Variants in DLGAP2 observed in about 807,000 individuals in gnomAD.
The protein encoded by DLGAP2 is disks large-associated protein 2.
DLGAP2 carries 26 observed loss-of-function variants against 100.3 expected under a neutral mutation model. The ratio of observed to expected loss-of-function variants is 0.26; its 90% confidence interval spans 0.19 to 0.36. The LOEUF is 0.36. DLGAP2 is among the 10% of genes least tolerant of loss of function. The pLI is 1.00. For missense variants in DLGAP2, 1,858 were observed against 1,453.2 expected (o/e 1.28, Z -4.53); for synonymous variants, 886 against 630.1 (o/e 1.41, Z -6.08).
At chr8:1,239,968 C>T (rs1457639105) in intron 2 of DLGAP2, among the ~76,000 whole-genome samples, 1 of 146,312 alleles carries the variant, frequency 6.8e-6, no homozygotes, top group African/African-American at 2.6e-5. Context: ...TTCTCTCTCA[C>T]ACATAGCGTC....
intron 1 of DLGAP2, among the ~76,000 whole-genome samples, chr8:902,096 G>A (rs1177887240): frequency 6.6e-6 from 1 of 152,232 alleles, no homozygotes; most frequent in Non-Finnish European, 1.5e-5. Context: ...GCTCAGGAAT[G>A]TTGCGCCAGA....
intron 6 of DLGAP2, among the ~76,000 whole-genome samples, chr8:1,614,220 A>G (rs1019762840): frequency 6.6e-6 from 1 of 152,148 alleles, no homozygotes; most frequent in South Asian, 2.1e-4. Context: ...TCAACTCTTC[A>G]CAGGCAGAAA....
intron 2 of DLGAP2, among the ~76,000 whole-genome samples, chr8:919,563 T>C (rs897058217): frequency 1.3e-5 from 2 of 152,142 alleles, no homozygotes; most frequent in African/African-American, 2.4e-5. Flanking sequence ...GCCTTGAGAA[T>C]AGAGTCCACT....
intron 2 of DLGAP2, among the ~76,000 whole-genome samples, chr8:1,055,867 ATT>A (rs1491402571): frequency 4.6e-5 from 7 of 152,228 alleles, no homozygotes; most frequent in African/African-American, 1.7e-4. Flanking sequence ...TGGGCACAAT[ATT>A]TAATCTCTAT....
intron 2 of DLGAP2, among the ~76,000 whole-genome samples, chr8:1,156,998 C>T (rs530328628): frequency 4.3e-4 from 65 of 152,192 alleles, no homozygotes; most frequent in African/African-American, 1.5e-3. Flanking sequence ...CCCGAGTCCC[C>T]TCCAAGTTTC....
intron 1 of DLGAP2, among the ~76,000 whole-genome samples, chr8:866,837 G>A (rs187860726): frequency 1.3e-5 from 2 of 152,084 alleles, no homozygotes; most frequent in African/African-American, 2.4e-5. Context: ...GGCCTTTCCC[G>A]CTCCCTGTGA....
intron 3 of DLGAP2, among the ~76,000 whole-genome samples, chr8:1,376,726 C>T (rs374229761): frequency 2.0e-5 from 3 of 147,910 alleles, no homozygotes; most frequent in East Asian, 2.2e-4. Flanking sequence ...AACCTGAGCC[C>T]GGTGGGATGT....
intron 3 of DLGAP2, among the ~76,000 whole-genome samples, chr8:1,350,257 A>ACT (rs1563099031): frequency 1.3e-4 from 13 of 98,370 alleles, no homozygotes; most frequent in East Asian, 4.1e-4. Flanking sequence ...GCGGGTCCTG[A>ACT]GCATGTGTGG....
At chr8:795,223 A>G (rs560079312) in intron 1 of DLGAP2, among the ~76,000 whole-genome samples, 34 of 152,258 alleles carry the variant, frequency 2.2e-4, no homozygotes, top group African/African-American at 4.8e-4. Context: ...AGCCAGGGCA[A>G]TTTTGTCAAT....
At chr8:1,332,597 G>T (rs1293992916) in intron 3 of DLGAP2, among the ~76,000 whole-genome samples, 4 of 152,162 alleles carry the variant, frequency 2.6e-5, no homozygotes, top group Non-Finnish European at 1.5e-5. Context: ...TGTCACACAT[G>T]CCCTGAGAAG....
intron 2 of DLGAP2, among the ~76,000 whole-genome samples, chr8:974,897 G>A (rs368813290): frequency 6.6e-6 from 1 of 152,076 alleles, no homozygotes; most frequent in Non-Finnish European, 1.5e-5. Flanking sequence ...CTATGAATGA[G>A]AAAAGAAATC....
chr8:1,579,413 G>C (rs866970528), intron 6 of DLGAP2, among the ~76,000 whole-genome samples: 1 of 152,108 alleles, frequency 6.6e-6, no homozygotes, highest in South Asian at 2.1e-4. Context: ...TCCATGGGGC[G>C]TAATTATAAA....
chr8:1,352,172 G>C (rs1279356187), intron 3 of DLGAP2, among the ~76,000 whole-genome samples: 103 of 86,412 alleles, frequency 1.2e-3, no homozygotes, highest in Middle Eastern at 8.6e-3. Context: ...CGGGTCCTGA[G>C]TGTGTGTGGA....
intron 2 of DLGAP2, among the ~76,000 whole-genome samples, chr8:1,121,467 C>T (rs909561046): frequency 1.3e-5 from 2 of 151,962 alleles, no homozygotes; most frequent in Admixed American, 1.3e-4. Flanking sequence ...ACCTCCCATC[C>T]TCATCTCTCT....
intron 1 of DLGAP2, among the ~76,000 whole-genome samples, chr8:778,766 A>G (rs1262116491): frequency 6.6e-6 from 1 of 152,230 alleles, no homozygotes; most frequent in East Asian, 1.9e-4. Flanking sequence ...GGGACATTTA[A>G]GTCTGCAGAG....
At chr8:1,304,308 C>G (rs1201002171) in intron 3 of DLGAP2, among the ~76,000 whole-genome samples, 1 of 152,220 alleles carries the variant, frequency 6.6e-6, no homozygotes, top group Non-Finnish European at 1.5e-5. Context: ...GCAGGTGCAG[C>G]TGGCCCTGAT....
chr8:1,072,023 A>G (rs1406308537), intron 2 of DLGAP2, among the ~76,000 whole-genome samples: 1 of 152,196 alleles, frequency 6.6e-6, no homozygotes, highest in Non-Finnish European at 1.5e-5. Flanking sequence ...CCTTGAAGGC[A>G]GAAATGGCTG....
intron 2 of DLGAP2, among the ~76,000 whole-genome samples, chr8:1,257,213 C>G (rs1799243587): frequency 6.6e-6 from 1 of 152,062 alleles, no homozygotes; most frequent in Non-Finnish European, 1.5e-5. Context: ...CCCGCTCACC[C>G]ACAGAGCCCG....
At chr8:1,341,428 C>T (rs1022433084) in intron 3 of DLGAP2, among the ~76,000 whole-genome samples, 1 of 152,062 alleles carries the variant, frequency 6.6e-6, no homozygotes, top group African/African-American at 2.4e-5. Flanking sequence ...TGTTATTGAA[C>T]GTTAGCTTCA....
Sources: allele counts gnomAD v4.1 joint callset (sites outside exome capture counted in the v4.1 genomes callset), GRCh38; gene constraint gnomAD v4.1.1; transcripts MANE v1.5; gene names NCBI Gene and HGNC (gene_info 2026-07-23, HGNC 2026-07-21).